RBFOX1: variants seen among roughly 807,000 people sequenced by gnomAD.
RBFOX1 encodes RNA binding fox-1 homolog 1, also known as RNA binding protein fox-1 homolog 1.
A neutral mutation model predicts 57.7 loss-of-function variants in RBFOX1; 8 were observed. The observed-to-expected ratio is 0.14, with a 90% confidence interval of 0.08 to 0.25. RBFOX1 has a LOEUF of 0.25. Among genes scored for constraint, RBFOX1 ranks in the 10% least tolerant of loss-of-function variants. The pLI is 1.00. For synonymous variants in RBFOX1, 326 were observed against 222.4 expected (o/e 1.47, Z -4.15); for missense variants, 611 against 548.5 (o/e 1.11, Z -1.14).
At chr16:7,436,965 G>C (rs1443553901) in intron 4 of RBFOX1, among the ~76,000 whole-genome samples, 2 of 152,058 alleles carry the variant, frequency 1.3e-5, no homozygotes, top group African/African-American at 4.8e-5. Context: ...CCTGTAATCC[G>C]AGCTACTCAG....
At chr16:7,286,181 C>G (rs1313293588) in intron 4 of RBFOX1, among the ~76,000 whole-genome samples, 1 of 152,146 alleles carries the variant, frequency 6.6e-6, no homozygotes, top group African/African-American at 2.4e-5. Context: ...TTATGTAAAT[C>G]ATGTTCAGAA....
chr16:6,657,000 T>C (rs1426603220), intron 3 of RBFOX1, among the ~76,000 whole-genome samples: 34 of 55,054 alleles, frequency 6.2e-4, no homozygotes, highest in Admixed American at 7.8e-4. Context: ...CTCCTCCCCT[T>C]TCCTCTCCTC....
chr16:6,353,162 A>G (rs1267138207), intron 2 of RBFOX1, among the ~76,000 whole-genome samples: 3 of 151,974 alleles, frequency 2.0e-5, no homozygotes, highest in African/African-American at 7.3e-5. Context: ...CCATAGTTCC[A>G]TTTCTCCCCA....
chr16:6,132,379 C>T (rs1480166184), intron 1 of RBFOX1, among the ~76,000 whole-genome samples: 1 of 152,182 alleles, frequency 6.6e-6, no homozygotes, highest in Non-Finnish European at 1.5e-5. Flanking sequence ...GTTACCACAG[C>T]ATGTAGATAC....
chr16:5,929,493 G>C (rs1225574018), intron 4 of RBFOX1, among the ~76,000 whole-genome samples: 1 of 152,156 alleles, frequency 6.6e-6, no homozygotes, highest in African/African-American at 2.4e-5. Flanking sequence ...CATGACATTA[G>C]AGTGTCTTTG....
At chr16:6,715,042 C>A (rs571700529) in intron 3 of RBFOX1, among the ~76,000 whole-genome samples, 2 of 152,058 alleles carry the variant, frequency 1.3e-5, no homozygotes, top group Admixed American at 1.3e-4. Flanking sequence ...GCAGAGAAAT[C>A]CATATTTGGG....
intron 2 of RBFOX1, among the ~76,000 whole-genome samples, chr16:5,499,378 C>T: frequency 6.6e-6 from 1 of 152,098 alleles, no homozygotes; most frequent in East Asian, 1.9e-4. Context: ...TCTCGGATTC[C>T]TGTCTCCCTT....
intron 14 of RBFOX1, among the ~76,000 whole-genome samples, chr16:7,694,630 G>A (rs183862411): frequency 2.2e-4 from 33 of 152,292 alleles, no homozygotes; most frequent in Admixed American, 3.9e-4. Context: ...TCGTATCTCT[G>A]CTTCTCATTG....
intron 3 of RBFOX1, among the ~76,000 whole-genome samples, chr16:6,914,881 C>G (rs1212413980): frequency 6.6e-6 from 1 of 152,190 alleles, no homozygotes; most frequent in African/African-American, 2.4e-5. Context: ...GAGCAAGACC[C>G]TCTCAAAAAC....
At chr16:5,306,667 G>A (rs1325249625) in intron 1 of RBFOX1, among the ~76,000 whole-genome samples, 4 of 152,148 alleles carry the variant, frequency 2.6e-5, no homozygotes, top group Non-Finnish European at 4.4e-5. Context: ...TAAATGCACA[G>A]CAATGCTCTG....
intron 4 of RBFOX1, among the ~76,000 whole-genome samples, chr16:7,152,132 G>GT (rs1337825046): frequency 6.6e-6 from 1 of 152,116 alleles, no homozygotes; most frequent in African/African-American, 2.4e-5. Context: ...ACAAAAGAAG[G>GT]TGTCAATTCT....
chr16:5,373,072 G>C (rs947278229), intron 1 of RBFOX1, among the ~76,000 whole-genome samples: 1 of 152,174 alleles, frequency 6.6e-6, no homozygotes. Flanking sequence ...TTCTGAAACT[G>C]GTGGGAACCC....
At position 5,380,340 on chromosome 16, in the gene RBFOX1, G is replaced by T. The variant is rs113091807; in HGVS notation, c.220-86876G>T. On this transcript the variant is annotated intron_variant, in intron 1 of 2. Transcript: ENST00000585867. ...TTGTGCCTCTGTCCCAAGGATAGAC[G>T]TACAGAGCGGTTAGAACAAGAGATA... is the stretch of plus-strand genomic sequence containing the variant. Among the ~76,000 whole-genome samples the T allele has an allele frequency of 3.8e-3, 586 of 152,266 alleles. 2 individuals carry two copies. Among genetic ancestry groups the T allele is most frequent in the Middle Eastern group, 0.014 (4 of 294 alleles).
At chr16:7,384,667 A>G (rs1196728790) in intron 4 of RBFOX1, among the ~76,000 whole-genome samples, 1 of 152,172 alleles carries the variant, frequency 6.6e-6, no homozygotes, top group Non-Finnish European at 1.5e-5. Flanking sequence ...ATATAAGGTA[A>G]ATAAGACCAT....
chr16:6,564,038 C>A lies in RBFOX1; in HGVS notation c.-63-90565C>A, dbSNP rs377349980. ...GTTGTTTCTGCTTCTTCCCAGCAAG[C>A]TATTTCTAGCCACCCTTCACCTCCA... On this transcript the variant is annotated intron_variant, in intron 2 of 15. Coordinates refer to ENST00000550418, the MANE Select transcript of RBFOX1 (RefSeq NM_018723.4). Among the ~76,000 whole-genome samples, 45 of 152,176 alleles carry A rather than the reference C, an allele frequency of 3.0e-4. 3 individuals carry two copies. The South Asian group carries it at 9.1e-3, about 31-fold the overall frequency.
chr16:7,442,675 G>T (rs994008863), intron 4 of RBFOX1, among the ~76,000 whole-genome samples: 3 of 152,116 alleles, frequency 2.0e-5, no homozygotes, highest in Admixed American at 2.0e-4. Context: ...GCAGTAGAGA[G>T]TGCAAAGTTG....
intron 3 of RBFOX1, among the ~76,000 whole-genome samples, chr16:5,767,776 C>G (rs985899012): frequency 3.9e-5 from 6 of 152,132 alleles, no homozygotes; most frequent in African/African-American, 9.7e-5. Context: ...GTTGCCTTTG[C>G]TGGGCCTAAT....
intron 4 of RBFOX1, among the ~76,000 whole-genome samples, chr16:7,272,223 A>G (rs1354281191): frequency 1.3e-5 from 2 of 152,152 alleles, no homozygotes; most frequent in Non-Finnish European, 2.9e-5. Flanking sequence ...TCGCTCTGTC[A>G]TCCAGAGCTG....
At chr16:5,717,165 A>G (rs2051734887) in intron 3 of RBFOX1, among the ~76,000 whole-genome samples, 1 of 152,164 alleles carries the variant, frequency 6.6e-6, no homozygotes, top group Non-Finnish European at 1.5e-5. Context: ...ATCCAGCAGA[A>G]AAGTCAAAGT....
Sources: gnomAD v4.1 joint callset for allele counts (sites outside exome capture counted in the v4.1 genomes callset) on GRCh38, gnomAD v4.1.1 for gene constraint, MANE v1.5 for transcripts, NCBI Gene and HGNC (gene_info 2026-07-23, HGNC 2026-07-21) for gene names.